PUS7: variants seen among roughly 807,000 people sequenced by gnomAD.
PUS7 encodes pseudouridine synthase 7.
PUS7 carries 48 observed loss-of-function variants against 79.8 expected under a neutral mutation model. That is an observed-to-expected ratio of 0.60 (90% CI 0.48 to 0.76). The LOEUF is 0.76. PUS7 is among the 30% of genes least tolerant of loss of function. The pLI is 0.00. For missense variants in PUS7, 729 were observed against 797.6 expected, an observed-to-expected ratio of 0.91 and a Z score of 1.04; for synonymous variants, 286 against 272.2, an observed-to-expected ratio of 1.05 and a Z score of -0.50.
intron 7 of PUS7, among the ~76,000 whole-genome samples, chr7:105,489,980 G>A (rs1824715565): frequency 6.6e-6 from 1 of 151,968 alleles, no homozygotes; most frequent in African/African-American, 2.4e-5. Context: ...TTAGCCAGGT[G>A]CACTGGTGTA....
chr7:105,472,115 A>C lies in PUS7; in HGVS notation c.1237+17T>G. The C allele has an allele frequency of 6.4e-7, 1 of 1,561,208 alleles. No individual in the cohort carries two copies. Among genetic ancestry groups the C allele is most frequent in the South Asian group, 1.1e-5 (1 of 87,018 alleles). On this transcript the variant is annotated intron_variant, in intron 10 of 15. Transcript: ENST00000469408. ...CATACATTCTATTTATTTTCTTAAC[A>C]TGAATTTTATTCTCACCTCCAGAGC...
chr7:105,484,853 A>G (rs1231903131), intron 7 of PUS7, among the ~76,000 whole-genome samples: 5 of 138,928 alleles, frequency 3.6e-5, no homozygotes, highest in Admixed American at 2.9e-4. Flanking sequence ...CACCAGTCAG[A>G]GATTTTTTTT....
chr7:105,508,373 A>C lies in PUS7; in HGVS notation c.140T>G (p.Leu47Arg), dbSNP rs1299459513. 1.5e-5 allele frequency: 25 copies of C among 1,613,986 alleles called. No homozygotes were observed. The highest frequency in any genetic ancestry group is 2.1e-5 in the Non-Finnish European group (25 of 1,180,028). ...ACTGATGGACAGAAAGTCATTCTGT[A>C]GCCCATCTTGACCTTTGGTTAGACT... is the stretch of plus-strand genomic sequence containing the variant. ...ECSLTKGQDGLQNDFLSISED... is the reference protein window; with the variant it reads ...ECSLTKGQDGRQNDFLSISED... Residue 47 changes from leucine to arginine, a missense_variant, in exon 2 of 16, where the codon CTA becomes CGA. Leu to Arg is a moderately radical substitution (Grantham distance 102, BLOSUM62 -2). Coordinates refer to ENST00000469408, the MANE Select transcript of PUS7 (RefSeq NM_019042.5).
Position 105,470,856 on chromosome 7 carries a change from G to C in PUS7, c.1238-8C>G, listed in dbSNP as rs750735765. ...CCAAGTAGCCCTTTTCAGCTGCGGG[G>C]GGAAAAAGCTAGGGTTAAATGACTT... On this transcript the variant is annotated splice_polypyrimidine_tract_variant and splice_region_variant and intron_variant, in intron 10 of 15. Transcript: ENST00000469408. The C allele has an allele frequency of 1.3e-6, 2 of 1,567,232 alleles. No individual in the cohort carries two copies. The highest frequency in any genetic ancestry group is 3.7e-5 in the Admixed American group (2 of 54,672).
chr7:105,514,691 T>G (rs535755029), intron 1 of PUS7, among the ~76,000 whole-genome samples: 31 of 152,208 alleles, frequency 2.0e-4, no homozygotes, highest in Non-Finnish European at 4.1e-4. Flanking sequence ...TTGAGAGAGA[T>G]GTGACTATGA....
Position 105,511,412 on chromosome 7 carries a change from C to T in PUS7, c.-32-2868G>A, listed in dbSNP as rs190598635. Among the ~76,000 whole-genome samples, 31 of 150,492 alleles carry T rather than the reference C, an allele frequency of 2.1e-4. No individual in the cohort carries two copies. In the East Asian group the frequency reaches 5.8e-3, roughly 28 times the overall value. On this transcript the variant is annotated intron_variant, in intron 1 of 15. Transcript: ENST00000469408. Reference sequence around the variant, plus strand: ...GCTACTTGAAGTATGGTCTTGGAGCCTGTTGTACATTTAAGAATAAATTTT... The same window carrying T: ...GCTACTTGAAGTATGGTCTTGGAGCTTGTTGTACATTTAAGAATAAATTTT...
At chr7:105,465,245 T>C in intron 13 of PUS7, 68 bp downstream of exon 13, 1 of 1,162,992 alleles carries the variant, frequency 8.6e-7, no homozygotes, top group Non-Finnish European at 1.3e-6. Context: ...AAAGTTTATA[T>C]ATGCTTGAAA....
At chr7:105,516,043 T>C (rs190748942) in intron 1 of PUS7, among the ~76,000 whole-genome samples, 134 of 152,118 alleles carry the variant, frequency 8.8e-4, no homozygotes, top group African/African-American at 3.2e-3. Flanking sequence ...ACTCCTGACC[T>C]GGTGATCCGC....
At chr7:105,494,992 A>T in intron 6 of PUS7, 150 bp downstream of exon 6, 2 of 425,244 alleles carry the variant, frequency 4.7e-6, no homozygotes, top group Non-Finnish European at 8.4e-6. Flanking sequence ...AAAAAAAAAA[A>T]GAAAGAAAGA....
chr7:105,469,720 A>G (rs1408542507), intron 11 of PUS7, among the ~76,000 whole-genome samples: 2 of 152,184 alleles, frequency 1.3e-5, no homozygotes, highest in African/African-American at 4.8e-5. Context: ...TTGGCCTCCC[A>G]AAGTGTTGGA....
At chr7:105,482,549 T>C (rs1313994908) in intron 7 of PUS7, 109 bp from the exon 8 acceptor site, 1 of 1,182,948 alleles carries the variant, frequency 8.5e-7, no homozygotes. Flanking sequence ...AGCACACCTA[T>C]GACCCCCTGA....
rs1823253026 is a variant in PUS7 at position 105,457,887 on chromosome 7, G to A, written c.1889C>T (p.Pro630Leu). ...GGCCATGGTGGCGTAAGTAGAAGGG[G>A]GTAGAGAAAAATCCATTTTCAGAGC... ...YRALKMDFSLPPSTYATMAIR... is the reference protein window; with the variant it reads ...YRALKMDFSLLPSTYATMAIR... The change falls in exon 16 of 16, where the codon CCC (proline) becomes CTC (leucine). Residue 630 changes from proline to leucine, a missense_variant. Pro to Leu is a moderately conservative substitution (Grantham distance 98). Coordinates refer to ENST00000469408, the MANE Select transcript of PUS7 (RefSeq NM_019042.5). The A allele has an allele frequency of 6.2e-7, 1 of 1,613,690 alleles. No individual in the cohort carries two copies. Among genetic ancestry groups the A allele is most frequent in the Non-Finnish European group, 8.5e-7 (1 of 1,179,868 alleles).
intron 9 of PUS7, among the ~76,000 whole-genome samples, chr7:105,480,303 C>A (rs1403616876): frequency 6.6e-6 from 1 of 151,922 alleles, no homozygotes; most frequent in Non-Finnish European, 1.5e-5. Context: ...GAAATTCCCG[C>A]CACTACTAAA....
At chr7:105,478,477 A>T (rs948162451) in intron 9 of PUS7, among the ~76,000 whole-genome samples, 5 of 152,198 alleles carry the variant, frequency 3.3e-5, no homozygotes, top group African/African-American at 1.2e-4. Flanking sequence ...AACACTTGTT[A>T]TTCTCTGCCT....
intron 1 of PUS7, among the ~76,000 whole-genome samples, chr7:105,514,637 C>T (rs1825824520): frequency 6.7e-6 from 1 of 148,532 alleles, no homozygotes; most frequent in South Asian, 2.1e-4. Context: ...GAAAAGAAAA[C>T]AGAATCTAAA....
intron 1 of PUS7, among the ~76,000 whole-genome samples, chr7:105,512,669 GA>G (rs1428848123): frequency 6.6e-5 from 10 of 152,178 alleles, no homozygotes; most frequent in Admixed American, 6.6e-4. Context: ...TACAGCTTGG[GA>G]GGGGCGGAGG....
At chr7:105,481,214 A>G (rs898347500) in intron 8 of PUS7, 37 bp from the exon 9 acceptor site, 2 of 1,579,526 alleles carry the variant, frequency 1.3e-6, no homozygotes, top group Non-Finnish European at 1.7e-6. Context: ...AAAAAAAGTT[A>G]CAGTCAAATA....
At chr7:105,478,807 G>A (rs759381030) in intron 9 of PUS7, among the ~76,000 whole-genome samples, 8 of 152,180 alleles carry the variant, frequency 5.3e-5, no homozygotes, top group Non-Finnish European at 1.0e-4. Context: ...ATATTCTTAT[G>A]TTGTGAAAAT....
chr7:105,462,722 T>G lies in PUS7; in HGVS notation c.1656A>C (p.Thr552=), dbSNP rs779982038. ...KIQEAYREML[T]ADNLDIDNMR... ...TGTTGTCAATATCAAGATTGTCAGC[T>G]GTGAGCATTTCCCTGTAGGCTTCTT... Residue 552 remains threonine, a synonymous_variant, in exon 14 of 16, where the codon ACA becomes ACC. Transcript: ENST00000469408. 6.2e-6 allele frequency: 10 copies of G among 1,613,606 alleles called. No homozygotes were observed. The highest frequency in any genetic ancestry group is 6.8e-6 in the Non-Finnish European group (8 of 1,179,906).
Sources: allele counts gnomAD v4.1 joint callset (sites outside exome capture counted in the v4.1 genomes callset), GRCh38; gene constraint gnomAD v4.1.1; transcripts MANE v1.5; gene names NCBI Gene and HGNC (gene_info 2026-07-23, HGNC 2026-07-21).